The following SLC31A1 variants were observed in gnomAD, a reference collection of about 807,000 sequenced individuals.
SLC31A1 encodes high affinity copper uptake protein 1.
SLC31A1 carries 5 observed loss-of-function variants against 17.2 expected under a neutral mutation model. The observed-to-expected ratio is 0.29, with a 90% CI of 0.15 to 0.61. The LOEUF (loss-of-function observed/expected upper bound fraction) is 0.61, where lower values mean the gene tolerates loss of function less well. Among genes scored for constraint, SLC31A1 ranks in the 20% least tolerant of loss-of-function variants. The pLI, the probability that SLC31A1 is intolerant of heterozygous loss-of-function variation, is 0.86. For synonymous variants in SLC31A1, 76 were observed against 78.8 expected, an observed-to-expected ratio of 0.96 and a Z score of 0.19; for missense variants, 161 against 241.4, an observed-to-expected ratio of 0.67 and a Z score of 2.21.
chr9:113,252,399 G>A (rs933954262), intron 1 of SLC31A1, among the ~76,000 whole-genome samples: 7 of 151,892 alleles, frequency 4.6e-5, no homozygotes, highest in Admixed American at 6.6e-5. Context: ...GGGTTCAAGC[G>A]ATTCTCCTGC....
intron 1 of SLC31A1, among the ~76,000 whole-genome samples, chr9:113,224,547 C>G (rs1831320016): frequency 6.6e-6 from 1 of 151,986 alleles, no homozygotes; most frequent in African/African-American, 2.4e-5. Flanking sequence ...TCCAGCCTCA[C>G]CCTCCCGAGT....
At chr9:113,238,734 G>A (rs1034075257) in intron 1 of SLC31A1, among the ~76,000 whole-genome samples, 9 of 152,176 alleles carry the variant, frequency 5.9e-5, no homozygotes, top group African/African-American at 1.9e-4. Context: ...AAGCCTGGGC[G>A]ACAGACTGTG....
chr9:113,235,153 C>T (rs1010161304), intron 1 of SLC31A1, among the ~76,000 whole-genome samples: 1 of 134,696 alleles, frequency 7.4e-6, no homozygotes, highest in African/African-American at 2.8e-5. Context: ...AAAAAGACCT[C>T]ACAGAAAAAT....
chr9:113,260,580 T>TTCACACACACACACACAC lies in SLC31A1; in HGVS notation c.*107_*108insTCACACACACACACACAC. Reference sequence around the variant, plus strand: ...CCCTTCTTGCTCCTCTTTGTGCACGTACACACACACACACACACACACACA... The same window carrying TTCACACACACACACACAC: ...CCCTTCTTGCTCCTCTTTGTGCACGTTCACACACACACACACACACACACACACACACACACACACACA... On this transcript the variant is annotated 3_prime_UTR_variant, in exon 5 of 5. Coordinates refer to ENST00000374212, the MANE Select transcript of SLC31A1 (RefSeq NM_001859.4). 1 of 630,674 alleles carries TTCACACACACACACACAC rather than the reference T, an allele frequency of 1.6e-6. No individual in the cohort carries two copies. The highest frequency in any genetic ancestry group is 2.9e-6 in the Non-Finnish European group (1 of 348,474). 39.1% of individuals were successfully genotyped at this position (630,674 alleles called of 1,614,324 possible).
chr9:113,226,387 CA>C (rs2118981120), intron 1 of SLC31A1, among the ~76,000 whole-genome samples: 1 of 152,214 alleles, frequency 6.6e-6, no homozygotes, highest in African/African-American at 2.4e-5. Flanking sequence ...TTAAGTATAA[CA>C]AGTCATCAAA....
chr9:113,236,020 C>A (rs1259334414), intron 1 of SLC31A1, among the ~76,000 whole-genome samples: 3 of 152,216 alleles, frequency 2.0e-5, no homozygotes, highest in Non-Finnish European at 2.9e-5. Context: ...GACAGTCTTG[C>A]TGTGTCGCCC....
intron 1 of SLC31A1, among the ~76,000 whole-genome samples, chr9:113,224,523 G>A (rs1831319754): frequency 6.6e-6 from 1 of 151,874 alleles, no homozygotes; most frequent in Admixed American, 6.6e-5. Flanking sequence ...CCACCTCCCG[G>A]GTTCAAGCGA....
intron 1 of SLC31A1, 59 bp from the exon 2 acceptor site, chr9:113,256,051 TAAAA>T: frequency 8.0e-7 from 1 of 1,257,628 alleles, no homozygotes; most frequent in Non-Finnish European, 1.1e-6. Context: ...TCTCTAAAAA[TAAAA>T]AAAAGAGATA....
chr9:113,251,521 T>C (rs1831653352), intron 1 of SLC31A1, among the ~76,000 whole-genome samples: 1 of 146,796 alleles, frequency 6.8e-6, no homozygotes, highest in South Asian at 2.3e-4. Flanking sequence ...TGGAAGAAGC[T>C]GAGCTTAAGT....
intron 1 of SLC31A1, among the ~76,000 whole-genome samples, chr9:113,252,112 A>C (rs1831660894): frequency 6.6e-6 from 1 of 152,216 alleles, no homozygotes; most frequent in South Asian, 2.1e-4. Flanking sequence ...GCCCTGGGTC[A>C]CTGATATGTC....
chr9:113,224,030 G>C (rs1357932276), intron 1 of SLC31A1, among the ~76,000 whole-genome samples: 1 of 152,196 alleles, frequency 6.6e-6, no homozygotes, highest in Non-Finnish European at 1.5e-5. Flanking sequence ...ACATTCTTTT[G>C]CCATTCTTTT....
chr9:113,233,104 T>A (rs1306405446), intron 1 of SLC31A1, among the ~76,000 whole-genome samples: 2 of 152,256 alleles, frequency 1.3e-5, no homozygotes, highest in Non-Finnish European at 2.9e-5. Flanking sequence ...ACCACTGTGC[T>A]GTGGCCTCAG....
intron 2 of SLC31A1, chr9:113,256,482 G>A (rs796376319): frequency 1.9e-6 from 1 of 512,960 alleles, no homozygotes; most frequent in South Asian, 3.0e-5. Context: ...AAGATTTTAG[G>A]CTTCTTTCTT....
rs1831724799 is a variant in SLC31A1 at position 113,256,153 on chromosome 9, A to G, written c.5A>G (p.Asp2Gly). 6.2e-7 allele frequency: 1 copy of G among 1,612,146 alleles called. No individual in the cohort carries two copies. The change falls in exon 2 of 5, where the codon GAT becomes GGT. Residue 2 changes from aspartate (D) to glycine (G), a missense_variant. Physicochemically the swap from Asp to Gly is moderately conservative, Grantham distance 94. Coordinates refer to ENST00000374212, the MANE Select transcript of SLC31A1 (RefSeq NM_001859.4). M[D>G]HSHHMGMSYM... Reference sequence around the variant, plus strand: ...TCTCAACTTTTCCTGGAAAAAATGGATCATTCCCACCATATGGGGATGAGC... The same window carrying G: ...TCTCAACTTTTCCTGGAAAAAATGGGTCATTCCCACCATATGGGGATGAGC...
At chr9:113,251,633 G>A (rs976924461) in intron 1 of SLC31A1, among the ~76,000 whole-genome samples, 1 of 152,104 alleles carries the variant, frequency 6.6e-6, no homozygotes, top group Non-Finnish European at 1.5e-5. Context: ...AGGTGTGTTC[G>A]ATTGCTTTAG....
At position 113,260,763 on chromosome 9, in the gene SLC31A1, A is replaced by G. The variant is rs1564222571; in HGVS notation, c.*290A>G. ...TTCTCCATCATCTTAGAGCCAAGTT[A>G]TATGTTCTTGTCTAATCCATGTAGC... On this transcript the variant is annotated 3_prime_UTR_variant, in exon 5 of 5. Coordinates refer to ENST00000374212, the MANE Select transcript of SLC31A1 (RefSeq NM_001859.4). 7 of 442,038 alleles carry G rather than the reference A, an allele frequency of 1.6e-5. No individual in the cohort carries two copies. Among genetic ancestry groups the G allele is most frequent in the Admixed American group, 3.4e-5 (1 of 29,144 alleles). 27.4% of individuals were successfully genotyped at this position (442,038 alleles called of 1,614,324 possible).
chr9:113,223,199 A>G, intron 1 of SLC31A1: 1 of 442,444 alleles, frequency 2.3e-6, no homozygotes, highest in Non-Finnish European at 4.5e-6. Context: ...TGGTGATTGG[A>G]ACATCACGAA....
intron 1 of SLC31A1, among the ~76,000 whole-genome samples, chr9:113,241,292 A>G (rs767035579): frequency 9.9e-5 from 15 of 152,192 alleles, no homozygotes; most frequent in Non-Finnish European, 1.6e-4. Context: ...AGCAAATTAT[A>G]GCTTGAGAAA....
chr9:113,258,873 AAC>A lies in SLC31A1; in HGVS notation c.371+13_371+14del, dbSNP rs1831757683. The A allele has an allele frequency of 1.9e-6, 3 of 1,614,036 alleles. No homozygotes were observed. The East Asian group carries it at 6.7e-5, about 36-fold the overall frequency. On this transcript the variant is annotated intron_variant, in intron 4 of 4. Coordinates refer to ENST00000374212, the MANE Select transcript of SLC31A1 (RefSeq NM_001859.4). The surrounding 1 kb of genome is among the most constrained non-coding windows in gnomAD (Gnocchi z 4.8). Reference sequence around the variant, plus strand: ...ACACAAAACTGTTGGGTAAGAACTGAACAGATCCAGATGAAGTCCTAAAGAAC... The same window carrying A: ...ACACAAAACTGTTGGGTAAGAACTGAAGATCCAGATGAAGTCCTAAAGAAC...
Sources: allele counts gnomAD v4.1 joint callset (sites outside exome capture counted in the v4.1 genomes callset), GRCh38; gene constraint gnomAD v4.1.1; non-coding constraint Gnocchi (gnomAD v3.1); transcripts MANE v1.5; gene names NCBI Gene and HGNC (gene_info 2026-07-23, HGNC 2026-07-21).